NFKBID: variants seen among roughly 807,000 people sequenced by gnomAD.
NFKBID encodes the protein NF-kappa-B inhibitor delta.
Under a neutral mutation model 53.4 loss-of-function variants are expected in NFKBID, and 26 were observed. The ratio of observed to expected loss-of-function variants is 0.49; its 90% CI spans 0.36 to 0.68. The LOEUF (loss-of-function observed/expected upper bound fraction) is 0.68. Among genes scored for constraint, NFKBID ranks in the 30% least tolerant of loss-of-function variants. NFKBID has a pLI of 0.00. For synonymous variants in NFKBID, 262 were observed against 259.8 expected (o/e 1.01, Z -0.08); for missense variants, 493 against 614.1 (o/e 0.80, Z 2.08).
chr19:35,900,802 CTTTTCTTTTT>C (rs1975521948), upstream of NFKBID: 1 of 288,886 alleles, frequency 3.5e-6, no homozygotes, highest in Non-Finnish European at 6.2e-6. Flanking sequence ...GATTTCTTTT[CTTTTCTTTTT>C]CTTTTTTTTC....
intron 11 of NFKBID, among the ~76,000 whole-genome samples, chr19:35,889,621 T>G (rs995111915): frequency 2.0e-5 from 3 of 151,904 alleles, no homozygotes; most frequent in African/African-American, 7.3e-5. Flanking sequence ...AGGTCACACC[T>G]TGAGGTCAAG....
At chr19:35,898,642 C>T in intron 2 of NFKBID, 77 bp downstream of exon 2, 1 of 1,437,358 alleles carries the variant, frequency 7.0e-7, no homozygotes, top group African/African-American at 1.4e-5. Flanking sequence ...TCTCATCAGC[C>T]CCGAGGGCCC....
chr19:35,898,733 C>T (rs547150181), exon 2 of NFKBID: 2 of 1,535,796 alleles, frequency 1.3e-6, no homozygotes, highest in Non-Finnish European at 1.7e-6. Context: ...ACCCCGCCAG[C>T]GTCGGGCTGC....
rs376908095 is a variant in NFKBID, at chr19:35,896,793, G to A, written c.617C>T (p.Ala206Val). The change falls in exon 6 of 12, where the codon GCG becomes GTG. Residue 206 changes from alanine to valine, a missense_variant. By Grantham distance (64) the Ala-to-Val change is moderately conservative. Around this residue, in one of 2 missense-constraint regions of NFKBID, gnomAD observed 267 missense variants for 384.6 expected, o/e 0.69. Transcript: ENST00000641389. This position sits in a 1 kb window ranked among gnomAD's most constrained non-coding sequence, Gnocchi z 5.7. ...GAGCACCTCAGCCGCAGCATATGCC[G>A]CCCAGCGCAGCCCCCGAGCCGCAAA... 2.7e-5 allele frequency: 44 copies of A among 1,613,818 alleles called. No individual in the cohort carries two copies. The highest frequency in any genetic ancestry group is 1.1e-4 in the South Asian group (10 of 91,090).
At chr19:35,889,902 C>A in exon 11 of NFKBID, 1 of 1,608,382 alleles carries the variant, frequency 6.2e-7, no homozygotes, top group Non-Finnish European at 8.5e-7. Context: ...CCTCAGGGCC[C>A]GGCCCGGGCC....
chr19:35,894,853 CGTG>C (rs1975019507), intron 9 of NFKBID, among the ~76,000 whole-genome samples: 2 of 151,828 alleles, frequency 1.3e-5, no homozygotes, highest in Non-Finnish European at 1.5e-5. Flanking sequence ...ATTAGCTGGA[CGTG>C]GTGGTGGGAA....
At chr19:35,888,131 T>G, downstream of NFKBID, 1 of 166,996 alleles carries the variant, frequency 6.0e-6, no homozygotes, top group Non-Finnish European at 1.3e-5. Flanking sequence ...ACCTGAAGGG[T>G]GTGGGTCCCG....
At chr19:35,895,893 G>C in intron 9 of NFKBID, 87 bp downstream of exon 9, 3 of 1,278,544 alleles carry the variant, frequency 2.3e-6, no homozygotes, top group Non-Finnish European at 3.3e-6. Flanking sequence ...AAGAGGCAAA[G>C]TCAGCATTTG....
At position 35,896,704 on chromosome 19, in the gene NFKBID, G is replaced by C. The variant is rs373730257; in HGVS notation, c.684+22C>G. On this transcript the variant is annotated intron_variant, in intron 6 of 11. Coordinates refer to ENST00000641389, the Ensembl canonical transcript of NFKBID. This position sits in a 1 kb window ranked among gnomAD's most constrained non-coding sequence, Gnocchi z 5.7. ...GCTCCTTCCTCCCCTGAACCCAGGA[G>C]AGTTCAGGCCCCAAGCCTCACCTTG... The C allele has an allele frequency of 1.9e-6, 3 of 1,608,046 alleles. No individual in the cohort carries two copies. The highest frequency in any genetic ancestry group is 2.6e-6 in the Non-Finnish European group (3 of 1,175,366).
Position 35,896,500 on chromosome 19 carries a change from CA to C in NFKBID, c.722del (p.Leu241ArgfsTer7). 1 of 1,614,178 alleles carries C rather than the reference CA, an allele frequency of 6.2e-7. No homozygotes were observed. The highest frequency in any genetic ancestry group is 8.5e-7 in the Non-Finnish European group (1 of 1,180,020). ...CCAGGTTCAACAGATCCTCCACAAT[CA>C]GGGGCTGGTTGGCAGCAGCCGCCAC... On this transcript the variant is annotated frameshift_variant, in exon 7 of 12. Transcript: ENST00000641389. LOFTEE classifies it high-confidence loss of function. This position sits in a 1 kb window ranked among gnomAD's most constrained non-coding sequence, Gnocchi z 5.7.
At chr19:35,892,296 C>A (rs1310502141) in intron 9 of NFKBID, among the ~76,000 whole-genome samples, 1 of 152,208 alleles carries the variant, frequency 6.6e-6, no homozygotes, top group East Asian at 1.9e-4. Flanking sequence ...GAGCAGTCCG[C>A]CCACCTGAGC....
exon 2 of NFKBID, chr19:35,898,806 G>C: frequency 6.5e-7 from 1 of 1,536,038 alleles, no homozygotes; most frequent in Non-Finnish European, 8.7e-7. Flanking sequence ...GGCAGTGGCT[G>C]CGCTCACCCC....
At chr19:35,892,821 C>T (rs62109666) in intron 9 of NFKBID, among the ~76,000 whole-genome samples, 4,177 of 152,260 alleles carry the variant, frequency 0.027, 79 homozygotes, top group Middle Eastern at 0.078. Flanking sequence ...CCTCTCTTTT[C>T]CATTAAATTT....
chr19:35,900,807 CTTTTTCTTTTTTTTCTTTTCTTTTTTT>C (rs1182893603), upstream of NFKBID: 6 of 274,228 alleles, frequency 2.2e-5, no homozygotes, highest in East Asian at 1.7e-4. Flanking sequence ...CTTTTCTTTT[CTTTTTCTTTTTTTTCTTTTCTTTTTTT>C]TTTTTTTTTT....
intron 11 of NFKBID, among the ~76,000 whole-genome samples, chr19:35,889,601 G>A (rs1003964408): frequency 2.6e-5 from 4 of 151,956 alleles, no homozygotes; most frequent in Admixed American, 1.3e-4. Context: ...GTCACACTTG[G>A]GGGGATCAAA....
At chr19:35,892,285 C>T (rs1354429461) in intron 9 of NFKBID, among the ~76,000 whole-genome samples, 4 of 152,082 alleles carry the variant, frequency 2.6e-5, no homozygotes, top group African/African-American at 9.7e-5. Flanking sequence ...TTCCTGAGCT[C>T]GAGCAGTCCG....
chr19:35,900,807 CTTTTTCTTTTTTTTCTTTTCTTTTTTTT>C, upstream of NFKBID: 1 of 274,176 alleles, frequency 3.6e-6, no homozygotes, highest in East Asian at 5.7e-5. Flanking sequence ...CTTTTCTTTT[CTTTTTCTTTTTTTTCTTTTCTTTTTTTT>C]TTTTTTTTTT....
At chr19:35,898,445 G>A in intron 3 of NFKBID, 27 bp downstream of exon 3, 1 of 1,483,192 alleles carries the variant, frequency 6.7e-7, no homozygotes, top group South Asian at 1.2e-5. Flanking sequence ...AAGGGGGATG[G>A]GGAGGCCGGG....
intron 9 of NFKBID, among the ~76,000 whole-genome samples, chr19:35,892,543 C>CA (rs112001334): frequency 1.6e-3 from 174 of 112,148 alleles, no homozygotes; most frequent in Middle Eastern, 4.9e-3. Flanking sequence ...GACTCCATCT[C>CA]AAAAAAAAAA....
Sources: allele counts gnomAD v4.1 joint callset (sites outside exome capture counted in the v4.1 genomes callset), GRCh38; gene constraint gnomAD v4.1.1; regional missense constraint gnomAD v4.1.1; non-coding constraint Gnocchi (gnomAD v3.1); transcripts MANE v1.5; gene names NCBI Gene and HGNC (gene_info 2026-07-23, HGNC 2026-07-21).